Variants in VPS8 observed in about 807,000 individuals in gnomAD.
VPS8 encodes vacuolar protein sorting-associated protein 8 homolog.
A neutral mutation model predicts 216.4 loss-of-function variants in VPS8; 129 were observed. The observed-to-expected ratio is 0.60, with a 90% CI of 0.52 to 0.69. The LOEUF is 0.69. VPS8 is among the 30% of genes least tolerant of loss of function. The pLI is 0.00. For synonymous variants in VPS8, 571 were observed against 565.4 expected, an observed-to-expected ratio of 1.01 and a Z score of -0.14; for missense variants, 1,531 against 1,683.5, an observed-to-expected ratio of 0.91 and a Z score of 1.59.
At chr3:184,845,403 C>G (rs986068606) in intron 8 of VPS8, among the ~76,000 whole-genome samples, 5 of 152,144 alleles carry the variant, frequency 3.3e-5, no homozygotes, top group Admixed American at 6.5e-5. Context: ...TCTACCTTTT[C>G]TGAATTTAGT....
intron 46 of VPS8, among the ~76,000 whole-genome samples, chr3:185,034,097 T>C (rs1758544434): frequency 6.6e-6 from 1 of 152,170 alleles, no homozygotes; most frequent in African/African-American, 2.4e-5. Context: ...TTTATCTCCA[T>C]GTGTGCTCGA....
intron 5 of VPS8, among the ~76,000 whole-genome samples, chr3:184,836,620 C>T (rs983338608): frequency 7.2e-5 from 11 of 152,314 alleles, no homozygotes; most frequent in South Asian, 2.1e-4. Flanking sequence ...AGTCATCATA[C>T]GGTGCCTTCC....
At chr3:184,855,929 G>T (rs916501414) in intron 14 of VPS8, 111 bp downstream of exon 14, 1 of 796,396 alleles carries the variant, frequency 1.3e-6, no homozygotes, top group Admixed American at 2.9e-5. Context: ...TGGAGAGAGA[G>T]TGACCTATTT....
intron 23 of VPS8, among the ~76,000 whole-genome samples, chr3:184,895,599 TC>T (rs1458079421): frequency 6.9e-3 from 66 of 9,556 alleles, no homozygotes; most frequent in Middle Eastern, 0.077. Flanking sequence ...CTCCTCCTCC[TC>T]CCCCCCTCCT....
intron 22 of VPS8, among the ~76,000 whole-genome samples, chr3:184,891,287 G>A (rs971619269): frequency 2.0e-5 from 3 of 152,122 alleles, no homozygotes; most frequent in African/African-American, 7.2e-5. Flanking sequence ...TGAACTTGAA[G>A]TAGTCTTTTA....
intron 3 of VPS8, among the ~76,000 whole-genome samples, chr3:184,829,364 C>A (rs973916900): frequency 6.6e-6 from 1 of 152,114 alleles, no homozygotes; most frequent in Non-Finnish European, 1.5e-5. Context: ...CCGGCATGCA[C>A]CACCATACGT....
rs114799576 is a variant in VPS8 at position 184,849,014 on chromosome 3, C to A, written c.542-57C>A. Reference sequence around the variant, plus strand: ...AAGTCTTTGAAAGCATGCCTGTACTCGATGTATTTACTCTCTTGCATTTCC... The same window carrying A: ...AAGTCTTTGAAAGCATGCCTGTACTAGATGTATTTACTCTCTTGCATTTCC... On this transcript the variant is annotated intron_variant, in intron 8 of 47. Coordinates refer to ENST00000625842, the MANE Select transcript of VPS8 (RefSeq NM_001009921.3). 1.9e-6 allele frequency: 3 copies of A among 1,592,170 alleles called. No homozygotes were observed. In the African/African-American group the frequency reaches 4.0e-5, roughly 21 times the overall value.
chr3:184,883,978 G>A (rs2108855786), intron 21 of VPS8, among the ~76,000 whole-genome samples: 1 of 152,208 alleles, frequency 6.6e-6, no homozygotes, highest in East Asian at 1.9e-4. Flanking sequence ...ATATTCAGTA[G>A]GACTTTATCA....
intron 42 of VPS8, among the ~76,000 whole-genome samples, chr3:184,987,045 C>T (rs1475054047): frequency 1.3e-5 from 2 of 152,098 alleles, no homozygotes; most frequent in Non-Finnish European, 2.9e-5. Flanking sequence ...ATATCATACA[C>T]TGCTCTAAAA....
intron 46 of VPS8, among the ~76,000 whole-genome samples, chr3:185,036,152 T>G (rs1758845449): frequency 6.6e-6 from 1 of 152,164 alleles, no homozygotes; most frequent in Non-Finnish European, 1.5e-5. Context: ...GCTCATGGAT[T>G]GGAAGAATCA....
At chr3:185,032,444 G>A (rs187191538) in intron 46 of VPS8, among the ~76,000 whole-genome samples, 170 of 152,204 alleles carry the variant, frequency 1.1e-3, no homozygotes, top group Non-Finnish European at 2.1e-3. Context: ...GAAAGAACCA[G>A]GTATGAAGGA....
intron 21 of VPS8, chr3:184,882,543 A>G: frequency 3.1e-6 from 1 of 319,432 alleles, no homozygotes; most frequent in Non-Finnish European, 6.2e-6. Flanking sequence ...ATGGCTTTTC[A>G]GGTTTTTGTA....
At chr3:185,024,308 T>C in intron 45 of VPS8, 28 bp from the exon 46 acceptor site, 1 of 1,562,778 alleles carries the variant, frequency 6.4e-7, no homozygotes, top group Non-Finnish European at 8.7e-7. Flanking sequence ...ACTGAAAGGG[T>C]ATTAAAATGT....
chr3:185,031,475 G>A (rs145694956), intron 46 of VPS8, among the ~76,000 whole-genome samples: 102 of 152,226 alleles, frequency 6.7e-4, no homozygotes, highest in African/African-American at 2.3e-3. Context: ...ACATGATTTG[G>A]TCTTTGTTTT....
chr3:184,912,383 T>C (rs1736714596), intron 25 of VPS8, among the ~76,000 whole-genome samples: 2 of 152,180 alleles, frequency 1.3e-5, no homozygotes. Context: ...TAATTTACAT[T>C]GTCAGGGTGA....
At chr3:185,033,203 T>G (rs1758419642) in intron 46 of VPS8, among the ~76,000 whole-genome samples, 1 of 152,216 alleles carries the variant, frequency 6.6e-6, no homozygotes, top group African/African-American at 2.4e-5. Context: ...TGAGTTCTGA[T>G]AAATGTATAA....
rs1299506024 is a variant in VPS8, at chr3:184,837,488, TG to T, written c.448-1225del. ...ATGCAAATCAGTCATTTATTAACTA[TG>T]TATTACATGCTTCTTAATTGTCGAG... is the stretch of plus-strand genomic sequence containing the variant. On this transcript the variant is annotated intron_variant, in intron 5 of 47. Coordinates refer to ENST00000625842, the MANE Select transcript of VPS8 (RefSeq NM_001009921.3). Among the ~76,000 whole-genome samples, 10 of 151,654 alleles carry T rather than the reference TG, an allele frequency of 6.6e-5. No individual in the cohort carries two copies. In the East Asian group the frequency reaches 1.9e-3, roughly 29 times the overall value.
chr3:184,984,092 G>C (rs1237138927), intron 42 of VPS8, among the ~76,000 whole-genome samples: 1 of 145,562 alleles, frequency 6.9e-6, no homozygotes, highest in Non-Finnish European at 1.5e-5. Flanking sequence ...GCTGAGGCAG[G>C]AGAATGGCGT....
intron 45 of VPS8, among the ~76,000 whole-genome samples, chr3:185,006,118 G>A (rs1027511309): frequency 4.6e-5 from 7 of 152,132 alleles, no homozygotes; most frequent in African/African-American, 1.7e-4. Flanking sequence ...ACACTTTATT[G>A]TAATTGTATG....
Sources: allele counts gnomAD v4.1 joint callset (sites outside exome capture counted in the v4.1 genomes callset), GRCh38; gene constraint gnomAD v4.1.1; transcripts MANE v1.5; gene names NCBI Gene and HGNC (gene_info 2026-07-23, HGNC 2026-07-21).